Variants in EPHA8 observed in about 807,000 individuals in gnomAD.
The protein encoded by EPHA8 is ephrin type-A receptor 8.
A neutral mutation model predicts 103.6 loss-of-function variants in EPHA8; 58 were observed. That is an observed-to-expected ratio of 0.56 (90% CI 0.45 to 0.70). The LOEUF (loss-of-function observed/expected upper bound fraction) is 0.70. Among genes scored for constraint, EPHA8 ranks in the 30% least tolerant of loss-of-function variants. EPHA8 has a pLI of 0.00. For synonymous variants in EPHA8, 559 were observed against 572.5 expected, an observed-to-expected ratio of 0.98 and a Z score of 0.34; for missense variants, 1,304 against 1,395.2, an observed-to-expected ratio of 0.93 and a Z score of 1.04.
chr1:22,579,408 GTGTA>G (rs144753361), intron 3 of EPHA8, among the ~76,000 whole-genome samples: 12,592 of 151,854 alleles, frequency 0.083, 544 homozygotes, highest in South Asian at 0.18. Flanking sequence ...GTGTTCATGA[GTGTA>G]TGTATGTGTG....
rs1485249069 is a variant in EPHA8, at chr1:22,598,124, G to A, written c.2117-27G>A. 3 of 1,612,524 alleles carry A rather than the reference G, an allele frequency of 1.9e-6. No homozygotes were observed. Among genetic ancestry groups the A allele is most frequent in the Non-Finnish European group, 2.5e-6 (3 of 1,179,312 alleles). ...AGCAGCCCTGAGCCCCAAACCAAGA[G>A]CCACCCTCTCCCTACTGCCCGCCCA... On this transcript the variant is annotated intron_variant, in intron 11 of 16. Transcript: ENST00000166244. This position sits in a 1 kb window ranked among gnomAD's most constrained non-coding sequence, Gnocchi z 5.1.
At chr1:22,572,420 G>A (rs1640568219) in intron 2 of EPHA8, among the ~76,000 whole-genome samples, 1 of 152,224 alleles carries the variant, frequency 6.6e-6, no homozygotes, top group Admixed American at 6.5e-5. Flanking sequence ...AATACTCTCA[G>A]AGGCAAAGCA....
At chr1:22,596,382 CTAGAGAT>C (rs1423186345) in intron 9 of EPHA8, among the ~76,000 whole-genome samples, 2 of 152,188 alleles carry the variant, frequency 1.3e-5, no homozygotes, top group Non-Finnish European at 2.9e-5. Flanking sequence ...ATTCAGGATG[CTAGAGAT>C]CCTCTCCCCA....
intron 8 of EPHA8, 43 bp downstream of exon 8, chr1:22,595,366 C>A: frequency 6.5e-7 from 1 of 1,543,048 alleles, no homozygotes. Context: ...TCCTCTCAAG[C>A]ACCGTACCTC....
At chr1:22,585,050 T>TGTGTGTGTGTGTGTGTGC (rs71020436) in intron 3 of EPHA8, among the ~76,000 whole-genome samples, 4 of 93,518 alleles carry the variant, frequency 4.3e-5, no homozygotes, top group South Asian at 3.2e-4. Context: ...TGTGTGTGTG[T>TGTGTGTGTGTGTGTGTGC]GCGCACGCGT....
intron 16 of EPHA8, 47 bp downstream of exon 16, chr1:22,601,520 G>T (rs748811403): frequency 4.1e-5 from 66 of 1,603,966 alleles, no homozygotes; most frequent in South Asian, 2.2e-5. Flanking sequence ...GGGGCAGGGG[G>T]GGGGACCCCT....
chr1:22,578,225 C>T (rs115612835), intron 3 of EPHA8, among the ~76,000 whole-genome samples: 25 of 85,196 alleles, frequency 2.9e-4, no homozygotes, highest in South Asian at 8.7e-4. Flanking sequence ...TGTGAGTGTG[C>T]ATGTGTGTAT....
In EPHA8 at chr1:22,576,279, C is replaced by T. The variant is rs56218493; in HGVS notation, c.222C>T (p.Asn74=). The change falls in exon 3 of 17, where the codon AAC becomes AAT. Residue 74 remains asparagine, a synonymous_variant. Transcript: ENST00000166244. The surrounding 1 kb of genome is among the most constrained non-coding windows in gnomAD (Gnocchi z 4.8). ...FQPIHTYQVC[N]VMSPNQNNWL... ...CCATCCACACGTACCAGGTTTGCAACGTCATGAGCCCCAACCAGAACAACT... is the reference window on the plus strand; with the variant it reads ...CCATCCACACGTACCAGGTTTGCAATGTCATGAGCCCCAACCAGAACAACT... 0.097 allele frequency: 156,510 copies of T among 1,613,744 alleles called. 8,090 individuals are homozygous for T. The highest frequency in any genetic ancestry group is 0.18 in the South Asian group (16,367 of 91,060).
At chr1:22,565,890 G>C in intron 1 of EPHA8, among the ~76,000 whole-genome samples, 1 of 152,214 alleles carries the variant, frequency 6.6e-6, no homozygotes, top group East Asian at 1.9e-4. Context: ...TTACCCACAC[G>C]AGTCAGACAG....
At chr1:22,568,721 G>A (rs894253853) in intron 1 of EPHA8, among the ~76,000 whole-genome samples, 2 of 152,234 alleles carry the variant, frequency 1.3e-5, no homozygotes, top group Admixed American at 6.5e-5. Flanking sequence ...GCCAGGCACC[G>A]TGCTGGGGGA....
chr1:22,579,462 G>A (rs1033078961), intron 3 of EPHA8, among the ~76,000 whole-genome samples: 1 of 151,844 alleles, frequency 6.6e-6, no homozygotes, highest in Non-Finnish European at 1.5e-5. Context: ...GTGTGCATGC[G>A]TGCATGCATG....
Position 22,601,869 on chromosome 1 carries a change from G to C in EPHA8, c.*128G>C. 1 of 938,404 alleles carries C rather than the reference G, an allele frequency of 1.1e-6. No individual in the cohort carries two copies. Among genetic ancestry groups the C allele is most frequent in the Non-Finnish European group, 1.6e-6 (1 of 627,944 alleles). 58.1% of individuals were successfully genotyped at this position (938,404 alleles called of 1,614,324 possible). A position where few individuals can be genotyped will look rare whatever the true frequency, so the allele number is the denominator to read the frequency against. ...TGCCCTCCTCTCAGGTGCTGGAGGA[G>C]CTGAAGGCTTCGCCACAGGACCTGG... On this transcript the variant is annotated 3_prime_UTR_variant, in exon 17 of 17. Coordinates refer to ENST00000166244, the MANE Select transcript of EPHA8 (RefSeq NM_020526.5).
At chr1:22,570,874 T>C (rs1640525861) in intron 2 of EPHA8, among the ~76,000 whole-genome samples, 1 of 152,228 alleles carries the variant, frequency 6.6e-6, no homozygotes, top group Non-Finnish European at 1.5e-5. Flanking sequence ...CACTCCTTGG[T>C]GTGGCTGTCT....
rs761039847 is a variant in EPHA8 at position 22,593,594 on chromosome 1, C to T, written c.1511C>T (p.Pro504Leu). 5.6e-6 allele frequency: 9 copies of T among 1,611,758 alleles called. No individual in the cohort carries two copies. Among genetic ancestry groups the T allele is most frequent in the East Asian group, 2.2e-5 (1 of 44,822 alleles). The change falls in exon 7 of 17, where the codon CCG (proline) becomes CTG (leucine). Residue 504 changes from proline (P) to leucine (L), a missense_variant. Coordinates refer to ENST00000166244, the MANE Select transcript of EPHA8 (RefSeq NM_020526.5). ...AGAGCCACCGTCTCCGGCCTCAAGC[C>T]GGGCACCCGCTACGTGTTCCAGGTC... is the stretch of plus-strand genomic sequence containing the variant. Reference protein sequence around the residue: ...TTRATVSGLKPGTRYVFQVRA... With the variant: ...TTRATVSGLKLGTRYVFQVRA...
intron 4 of EPHA8, among the ~76,000 whole-genome samples, chr1:22,587,383 CT>C (rs986893780): frequency 4.6e-5 from 7 of 152,156 alleles, no homozygotes; most frequent in African/African-American, 1.4e-4. Flanking sequence ...GTCTTGTGAG[CT>C]CAGCACGTGT....
intron 3 of EPHA8, among the ~76,000 whole-genome samples, chr1:22,580,452 T>C (rs577979125): frequency 6.6e-6 from 1 of 152,300 alleles, no homozygotes; most frequent in Non-Finnish European, 1.5e-5. Context: ...TCTCTGGTTT[T>C]CTTAAGAAAT....
At chr1:22,599,088 G>C in intron 13 of EPHA8, 41 bp downstream of exon 13, 1 of 1,552,624 alleles carries the variant, frequency 6.4e-7, no homozygotes, top group Non-Finnish European at 8.7e-7. Context: ...TGGGGAGTGG[G>C]GAGATGGCGC....
At position 22,601,092 on chromosome 1, in the gene EPHA8, C is replaced by T; in HGVS notation, c.2729+4C>T. The T allele has an allele frequency of 1.9e-6, 3 of 1,599,800 alleles. No individual in the cohort carries two copies. In the African/African-American group the frequency reaches 4.0e-5, roughly 21 times the overall value. On this transcript the variant is annotated splice_donor_region_variant and intron_variant, in intron 15 of 16. Coordinates refer to ENST00000166244, the MANE Select transcript of EPHA8 (RefSeq NM_020526.5). ...GGGCCACCGCCACAGTCAGCAGGTGCCTTGTGCCCACCCCAGCTCCTTGAG... is the reference window on the plus strand; with the variant it reads ...GGGCCACCGCCACAGTCAGCAGGTGTCTTGTGCCCACCCCAGCTCCTTGAG...
At chr1:22,578,980 AGT>A (rs199832807) in intron 3 of EPHA8, among the ~76,000 whole-genome samples, 111 of 118,442 alleles carry the variant, frequency 9.4e-4, no homozygotes, top group African/African-American at 3.2e-3. Context: ...CATGTGTGTG[AGT>A]GTATGTGTGC....
Sources: allele counts gnomAD v4.1 joint callset (sites outside exome capture counted in the v4.1 genomes callset), GRCh38; gene constraint gnomAD v4.1.1; non-coding constraint Gnocchi (gnomAD v3.1); transcripts MANE v1.5; gene names NCBI Gene and HGNC (gene_info 2026-07-23, HGNC 2026-07-21).